The following ITPRID1 variants were observed in gnomAD, a reference collection of about 807,000 sequenced individuals.
The protein encoded by ITPRID1 is ITPR interacting domain containing 1.
Under a neutral mutation model 95.4 loss-of-function variants are expected in ITPRID1, and 96 were observed. The observed-to-expected ratio is 1.01, with a 90% CI of 0.85 to 1.19. The LOEUF is 1.19. ITPRID1 is among the 50% of genes most tolerant of loss of function. The pLI is 0.00. For synonymous variants in ITPRID1, 510 were observed against 453.6 expected (o/e 1.12, Z -1.58); for missense variants, 1,339 against 1,252.9 (o/e 1.07, Z -1.04).
intron 1 of ITPRID1, among the ~76,000 whole-genome samples, chr7:31,519,614 C>CTATATATATATATATATATA (rs1396946575): frequency 4.6e-5 from 2 of 43,172 alleles, no homozygotes; most frequent in African/African-American, 8.7e-5. Context: ...CTCTCTCTCT[C>CTATATATATATATATATATA]TCTCTCTATA....
intron 1 of ITPRID1, among the ~76,000 whole-genome samples, chr7:31,530,982 G>A (rs987838776): frequency 2.0e-5 from 3 of 152,180 alleles, no homozygotes; most frequent in Non-Finnish European, 2.9e-5. Context: ...CCAATGTTCT[G>A]GGAGATATTG....
chr7:31,601,886 C>G (rs1456515506), intron 10 of ITPRID1, among the ~76,000 whole-genome samples: 1 of 152,164 alleles, frequency 6.6e-6, no homozygotes, highest in Non-Finnish European at 1.5e-5. Flanking sequence ...GTGGCCCTGT[C>G]CCTTGGCTTA....
chr7:31,528,339 TTAAAA>T (rs1783488139), intron 1 of ITPRID1, among the ~76,000 whole-genome samples: 5 of 152,222 alleles, frequency 3.3e-5, no homozygotes, highest in African/African-American at 1.2e-4. Context: ...AATGAAGCTA[TTAAAA>T]TAAGGTCATC....
intron 10 of ITPRID1, among the ~76,000 whole-genome samples, chr7:31,634,184 A>G (rs1264304817): frequency 2.0e-5 from 3 of 152,190 alleles, no homozygotes; most frequent in Admixed American, 6.5e-5. Context: ...AAGTCAGTAG[A>G]GTAGTCCTGC....
At chr7:31,527,510 G>A (rs1209107874) in intron 1 of ITPRID1, among the ~76,000 whole-genome samples, 2 of 152,050 alleles carry the variant, frequency 1.3e-5, no homozygotes, top group African/African-American at 2.4e-5. Flanking sequence ...GCATGACATA[G>A]GTTTTCAATC....
chr7:31,547,297 A>G (rs140675929), intron 1 of ITPRID1, among the ~76,000 whole-genome samples: 1 of 152,358 alleles, frequency 6.6e-6, no homozygotes, highest in African/African-American at 2.4e-5. Context: ...ACTGCTATGA[A>G]GAAATACTCG....
chr7:31,615,058 TTAAAGAGAA>T (rs1255584831), intron 10 of ITPRID1, among the ~76,000 whole-genome samples: 11 of 152,172 alleles, frequency 7.2e-5, no homozygotes, highest in African/African-American at 2.4e-4. Flanking sequence ...AGTAATTTTC[TTAAAGAGAA>T]TAAAGGCGAC....
chr7:31,557,788 A>G (rs1784498995), intron 5 of ITPRID1, among the ~76,000 whole-genome samples: 1 of 152,150 alleles, frequency 6.6e-6, no homozygotes. Flanking sequence ...GTTAGTAGGT[A>G]TTGGAGTTGA....
intron 10 of ITPRID1, among the ~76,000 whole-genome samples, chr7:31,609,697 G>T (rs1187584725): frequency 6.6e-6 from 1 of 151,010 alleles, no homozygotes; most frequent in Non-Finnish European, 1.5e-5. Context: ...TATCATTCTA[G>T]CTAAAGATTT....
intron 10 of ITPRID1, among the ~76,000 whole-genome samples, chr7:31,631,886 C>T (rs531582020): frequency 1.1e-3 from 169 of 152,264 alleles, no homozygotes; most frequent in South Asian, 8.7e-3. Context: ...AGTCTTTCTT[C>T]GGTTTTAGGA....
chr7:31,574,633 A>G lies in ITPRID1; in HGVS notation c.489A>G (p.Gln163=), dbSNP rs1583517864. 6.2e-7 allele frequency: 1 copy of G among 1,613,914 alleles called. No individual in the cohort carries two copies. The highest frequency in any genetic ancestry group is 1.3e-5 in the African/African-American group (1 of 75,030). Residue 163 remains glutamine (Q), a synonymous_variant, in exon 8 of 15, where the codon CAA becomes CAG. Transcript: ENST00000615280. ...CTGATGAGCCAGACATCTGCATGCA[A>G]ATCCCAGCCAGATTCCTTGGTTGTG... is the stretch of plus-strand genomic sequence containing the variant. ...FGADEPDICM[Q]IPARFLGCGS...
chr7:31,579,016 T>C (rs1412738440), intron 9 of ITPRID1, among the ~76,000 whole-genome samples: 3 of 152,154 alleles, frequency 2.0e-5, no homozygotes, highest in Admixed American at 6.5e-5. Flanking sequence ...GATTTTAGGA[T>C]GTTAGTGTGA....
At chr7:31,637,221 G>A (rs1789574039) in intron 10 of ITPRID1, among the ~76,000 whole-genome samples, 1 of 152,118 alleles carries the variant, frequency 6.6e-6, no homozygotes, top group Admixed American at 6.5e-5. Context: ...CTTTATAGCA[G>A]CATGATTTAT....
At chr7:31,657,316 G>A (rs1192183008), downstream of ITPRID1, among the ~76,000 whole-genome samples, 1 of 152,178 alleles carries the variant, frequency 6.6e-6, no homozygotes, top group African/African-American at 2.4e-5. Context: ...GGTTTATGTG[G>A]TGCCTAACAC....
Position 31,643,742 on chromosome 7 carries a change from G to A in ITPRID1, c.2372G>A (p.Ser791Asn). 2 of 1,613,990 alleles carry A rather than the reference G, an allele frequency of 1.2e-6. No homozygotes were observed. Among genetic ancestry groups the A allele is most frequent in the Non-Finnish European group, 1.7e-6 (2 of 1,179,886 alleles). Reference sequence around the variant, plus strand: ...GTCTCTCTAGACTCAGGCTTCTCTAGTATCTGCCCAATGGGCACCTGCCAT... The same window carrying A: ...GTCTCTCTAGACTCAGGCTTCTCTAATATCTGCCCAATGGGCACCTGCCAT... The part of the protein sequence containing the change: ...KSVSLDSGFS[S>N]ICPMGTCHAI... The change falls in exon 12 of 15, where the codon AGT becomes AAT. Residue 791 changes from serine (S) to asparagine (N), a missense_variant. Coordinates refer to ENST00000615280, the MANE Select transcript of ITPRID1 (RefSeq NM_001257967.3).
intron 10 of ITPRID1, among the ~76,000 whole-genome samples, chr7:31,637,684 G>T (rs1789622524): frequency 1.3e-5 from 2 of 152,170 alleles, no homozygotes; most frequent in Non-Finnish European, 2.9e-5. Flanking sequence ...CATTCTGTAG[G>T]TTGCTTGTTC....
intron 10 of ITPRID1, among the ~76,000 whole-genome samples, chr7:31,615,763 T>A (rs1436891441): frequency 4.0e-5 from 6 of 151,780 alleles, no homozygotes; most frequent in Non-Finnish European, 7.4e-5. Flanking sequence ...TTTTTTTTTT[T>A]TTTTTTCTGA....
chr7:31,581,299 T>A (rs1313204153), intron 9 of ITPRID1, among the ~76,000 whole-genome samples: 1 of 152,210 alleles, frequency 6.6e-6, no homozygotes, highest in East Asian at 1.9e-4. Context: ...CTCAAAAGTA[T>A]AATTTCAACA....
intron 9 of ITPRID1, 151 bp from the exon 10 acceptor site, chr7:31,582,983 G>C (rs796881702): frequency 4.1e-6 from 2 of 488,148 alleles, no homozygotes; most frequent in South Asian, 3.8e-5. Context: ...CATCATCCCC[G>C]GTACCTCCTC....
Sources: allele counts gnomAD v4.1 joint callset (sites outside exome capture counted in the v4.1 genomes callset), GRCh38; gene constraint gnomAD v4.1.1; transcripts MANE v1.5; gene names NCBI Gene and HGNC (gene_info 2026-07-23, HGNC 2026-07-21).